AGAP3: variants seen among roughly 807,000 people sequenced by gnomAD.
The protein encoded by AGAP3 is ArfGAP with GTPase domain, ankyrin repeat and PH domain 3.
AGAP3 carries 24 observed loss-of-function variants against 96.9 expected under a neutral mutation model. The observed-to-expected ratio is 0.25, with a 90% CI of 0.18 to 0.35. AGAP3 has a LOEUF of 0.35. Ranked by LOEUF, AGAP3 falls within the 10% of genes least tolerant of loss-of-function variation. AGAP3 has a pLI of 1.00. For missense variants in AGAP3, 876 were observed against 1,254.2 expected (o/e 0.70, Z 4.55); for synonymous variants, 563 against 536.1 (o/e 1.05, Z -0.69).
rs766346559 is a variant in AGAP3, at chr7:151,142,208, C to T, written c.2005C>T (p.Arg669Cys). The change falls in exon 15 of 18, where the codon CGC becomes TGC. Residue 669 changes from arginine (R) to cysteine (C), a missense_variant. Arg to Cys is a radical substitution (Grantham distance 180). Around this residue, in one of 8 missense-constraint regions of AGAP3, gnomAD observed 103 missense variants for 183.0 expected, o/e 0.56. Transcript: ENST00000397238. The surrounding 1 kb of genome is among the most constrained non-coding windows in gnomAD (Gnocchi z 7.5). The stretch of plus-strand genomic sequence containing the variant: ...CGCAGCTCTGGCTGTGCAGGCCGTC[C>T]GCACCGTCCGCGGCAACAGCTTTTG... Reference protein sequence around the residue: ...QNAALAVQAVRTVRGNSFCID... With the variant: ...QNAALAVQAVCTVRGNSFCID... 7 of 1,613,648 alleles carry T rather than the reference C, an allele frequency of 4.3e-6. No homozygotes were observed. The highest frequency in any genetic ancestry group is 2.2e-5 in the South Asian group (2 of 91,080).
At chr7:151,130,050 G>A (rs116056945) in intron 10 of AGAP3, among the ~76,000 whole-genome samples, 381 of 152,294 alleles carry the variant, frequency 2.5e-3, no homozygotes, top group African/African-American at 8.7e-3. Flanking sequence ...CAGCTTAGCC[G>A]TGCCCTCTGC....
At position 151,105,869 on chromosome 7, in the gene AGAP3, CT is replaced by C. The variant is rs147301108; in HGVS notation, c.332-10910del. ...CCACCCACCCATGCTAGGTAAGAGT[CT>C]TTTTTTTTTTTTTAAACCAGCTCAT... On this transcript the variant is annotated intron_variant, in intron 1 of 17. Transcript: ENST00000397238. 7.9e-3 allele frequency among the ~76,000 whole-genome samples: 913 copies of C among 116,254 alleles called. 14 individuals carry two copies. The highest frequency in any genetic ancestry group is 0.027 in the African/African-American group (808 of 29,838). 76.3% of individuals were successfully genotyped at this position (116,254 alleles called of 152,430 possible). A position where few individuals can be genotyped will look rare whatever the true frequency, so the allele number is the denominator to read the frequency against.
At chr7:151,104,754 G>A (rs984252601) in intron 1 of AGAP3, among the ~76,000 whole-genome samples, 28 of 152,364 alleles carry the variant, frequency 1.8e-4, no homozygotes, top group African/African-American at 6.5e-4. Flanking sequence ...GCATTCACAT[G>A]CCTCGGGAAG....
At chr7:151,116,939 T>G in intron 2 of AGAP3, 88 bp downstream of exon 2, 1 of 1,563,356 alleles carries the variant, frequency 6.4e-7, no homozygotes, top group Non-Finnish European at 8.8e-7. Flanking sequence ...TTCTCCGGCT[T>G]CTGTCCCCTT....
chr7:151,096,806 T>G lies in AGAP3; in HGVS notation c.331+9734T>G, dbSNP rs1014755977. Among the ~76,000 whole-genome samples, 3 of 144,798 alleles carry G rather than the reference T, an allele frequency of 2.1e-5. No homozygotes were observed. The highest frequency in any genetic ancestry group is 4.5e-5 in the Non-Finnish European group (3 of 66,560). The allele number at this position is 144,798 out of a possible 152,430, so 95.0% of individuals were successfully genotyped here. ...TTTTCTTTTCTTTAACGAGACAGAG[T>G]CTTGCTTTGTTTCCCAGGCTGGAGT... On this transcript the variant is annotated intron_variant, in intron 1 of 17. Transcript: ENST00000397238. The surrounding 1 kb of genome is among the most constrained non-coding windows in gnomAD (Gnocchi z 4.4).
At chr7:151,112,346 C>A (rs893256104) in intron 1 of AGAP3, 1 of 152,834 alleles carries the variant, frequency 6.5e-6, no homozygotes, top group Non-Finnish European at 1.5e-5. Context: ...TCTTCTGAGA[C>A]TGTAAGATGT....
Position 151,123,873 on chromosome 7 carries a change from T to C in AGAP3, c.1208T>C (p.Ile403Thr). 1 of 1,608,772 alleles carries C rather than the reference T, an allele frequency of 6.2e-7. No individual in the cohort carries two copies. The highest frequency in any genetic ancestry group is 8.5e-7 in the Non-Finnish European group (1 of 1,179,818). ...KVDSIGSGRAIPIKQGILLKR... is the reference protein window; with the variant it reads ...KVDSIGSGRATPIKQGILLKR... ...GACAGCATCGGGAGCGGCCGCGCCA[T>C]CCCCATCAAGCAGGTCAGCGCCTCC... Residue 403 changes from isoleucine (I) to threonine (T), a missense_variant, in exon 9 of 18, where the codon ATC becomes ACC. Transcript: ENST00000397238.
chr7:151,138,109 C>G, intron 11 of AGAP3, 34 bp from the exon 12 acceptor site: 1 of 1,516,056 alleles, frequency 6.6e-7, no homozygotes, highest in Non-Finnish European at 9.0e-7. Context: ...CCCTGCCCGG[C>G]CTCCCTTCCC....
At chr7:151,125,562 G>A (rs1009167312) in intron 9 of AGAP3, among the ~76,000 whole-genome samples, 4 of 152,226 alleles carry the variant, frequency 2.6e-5, no homozygotes, top group African/African-American at 9.6e-5. Flanking sequence ...CCCTTTAGGG[G>A]GTGCCCGCTG....
At position 151,116,886 on chromosome 7, in the gene AGAP3, G is replaced by A. The variant is rs534034525; in HGVS notation, c.390+35G>A. ...GCCCATGGGCAGCACCGGCGGCCTG[G>A]AGCTGGGGGGGCGAGGCTGGGTGCC... On this transcript the variant is annotated intron_variant, in intron 2 of 17. Transcript: ENST00000397238. The A allele has an allele frequency of 2.5e-6, 4 of 1,604,354 alleles. No individual in the cohort carries two copies. In the Admixed American group the frequency reaches 6.7e-5, roughly 27 times the overall value.
At chr7:151,125,506 G>A (rs772789459) in intron 9 of AGAP3, among the ~76,000 whole-genome samples, 35 of 152,328 alleles carry the variant, frequency 2.3e-4, no homozygotes, top group Middle Eastern at 3.4e-3. Context: ...GAGTGGTGCC[G>A]CCAGCTGGGG....
rs775005955 is a variant in AGAP3 at position 151,143,845 on chromosome 7, C to G, written c.2638C>G (p.Pro880Ala). ...CADILIQHGC[P>A]GEGCGLAPTP... ...AGACATCTTGATCCAGCATGGCTGC[C>G]CTGGGGAGGGCTGTGGCTTAGCGCC... Residue 880 changes from proline to alanine, a missense_variant, in exon 18 of 18, where the codon CCT (proline) becomes GCT (alanine). Physicochemically the swap from Pro to Ala is conservative, Grantham distance 27. Transcript: ENST00000397238. The surrounding 1 kb of genome is among the most constrained non-coding windows in gnomAD (Gnocchi z 5.9). 3.1e-6 allele frequency: 5 copies of G among 1,613,984 alleles called. No individual in the cohort carries two copies. The highest frequency in any genetic ancestry group is 4.2e-6 in the Non-Finnish European group (5 of 1,180,018).
rs1798182389 is a variant in AGAP3 at position 151,087,008 on chromosome 7, G to C, written c.267G>C (p.Leu89=). 1.2e-6 allele frequency: 2 copies of C among 1,613,156 alleles called. No homozygotes were observed. Among genetic ancestry groups the C allele is most frequent in the East Asian group, 4.5e-5 (2 of 44,848 alleles). The change falls in exon 1 of 18, where the codon CTG becomes CTC. Residue 89 remains leucine, a synonymous_variant. Coordinates refer to ENST00000397238, the MANE Select transcript of AGAP3 (RefSeq NM_031946.7). ...VHPNIYAIYD[L]IERIEDLALQ... Reference sequence around the variant, plus strand: ...CCAATATCTACGCCATCTACGACCTGATCGAGCGCATCGAGGATTTGGCGC... The same window carrying C: ...CCAATATCTACGCCATCTACGACCTCATCGAGCGCATCGAGGATTTGGCGC...
chr7:151,087,884 GC>G (rs1269578716), intron 1 of AGAP3, among the ~76,000 whole-genome samples: 1 of 152,266 alleles, frequency 6.6e-6, no homozygotes, highest in Non-Finnish European at 1.5e-5. Flanking sequence ...TGCCTCGCAA[GC>G]CCTGGTGTGG....
At chr7:151,087,150 C>G (rs1798189076) in intron 1 of AGAP3, 78 bp downstream of exon 1, 2 of 1,447,886 alleles carry the variant, frequency 1.4e-6, no homozygotes, top group Non-Finnish European at 1.9e-6. Flanking sequence ...CAGGCCGTGC[C>G]TGGCCATGCT....
chr7:151,117,302 C>T (rs1799639688), intron 3 of AGAP3, 69 bp from the exon 4 acceptor site: 1 of 1,598,994 alleles, frequency 6.3e-7, no homozygotes, highest in Non-Finnish European at 8.6e-7. Context: ...GCATGGGAAG[C>T]TGTAGATTTC....
At chr7:151,121,024 T>C in intron 8 of AGAP3, 1 of 211,940 alleles carries the variant, frequency 4.7e-6, no homozygotes, top group Non-Finnish European at 8.5e-6. Context: ...CGTCACTCCA[T>C]GCGCCTCTTT....
intron 8 of AGAP3, chr7:151,123,271 C>G (rs1386818146): frequency 1.9e-6 from 2 of 1,051,734 alleles, no homozygotes; most frequent in Admixed American, 1.1e-4. Flanking sequence ...TTCGGGTGGA[C>G]TCTGCCCCAG....
intron 9 of AGAP3, chr7:151,128,251 C>A: frequency 3.3e-6 from 1 of 307,134 alleles, no homozygotes; most frequent in Non-Finnish European, 6.3e-6. Flanking sequence ...ACTGTCTACA[C>A]CTCCGATCAT....
Sources: gnomAD v4.1 joint callset for allele counts (sites outside exome capture counted in the v4.1 genomes callset) on GRCh38, gnomAD v4.1.1 for gene constraint, gnomAD v4.1.1 regional missense constraint, Gnocchi (gnomAD v3.1) non-coding constraint, MANE v1.5 for transcripts, NCBI Gene and HGNC (gene_info 2026-07-23, HGNC 2026-07-21) for gene names.